The following EFHC2 variants were observed in gnomAD, a reference collection of about 807,000 sequenced individuals.
EFHC2 encodes the protein EF-hand domain containing 2.
A neutral mutation model predicts 52.7 loss-of-function variants in EFHC2; 18 were observed. The observed-to-expected ratio is 0.34, with a 90% CI of 0.24 to 0.51. The LOEUF is 0.51. EFHC2 is among the 20% of genes least tolerant of loss of function. The pLI, the probability that EFHC2 is intolerant of heterozygous loss-of-function variation, is 0.97. For synonymous variants in EFHC2, 203 were observed against 204.1 expected, an observed-to-expected ratio of 0.99 and a Z score of 0.04; for missense variants, 513 against 562.5, an observed-to-expected ratio of 0.91 and a Z score of 0.89.
intron 1 of EFHC2, among the ~76,000 whole-genome samples, chrX:44,316,125 G>T (rs777604881): frequency 9.0e-6 from 1 of 111,541 alleles, no homozygotes; most frequent in East Asian, 2.8e-4. Context: ...ACCGTTGAAG[G>T]CCTCACTCAG....
chrX:44,324,653 G>A (rs1188316447), intron 1 of EFHC2, among the ~76,000 whole-genome samples: 1 of 111,581 alleles, frequency 9.0e-6, no homozygotes, highest in African/African-American at 3.3e-5. Context: ...ATATATGATG[G>A]GGCCTTTTAA....
chrX:44,176,779 T>C (rs961694350), intron 12 of EFHC2, among the ~76,000 whole-genome samples: 6 of 112,352 alleles, frequency 5.3e-5, no homozygotes, highest in African/African-American at 1.9e-4. Flanking sequence ...ACAAGTATGA[T>C]ATGACTTGAG....
chrX:44,262,532 A>G (rs1337447726), intron 3 of EFHC2, among the ~76,000 whole-genome samples: 3 of 82,012 alleles, frequency 3.7e-5, no homozygotes, highest in Non-Finnish European at 6.7e-5. Flanking sequence ...AAAAAAAAAA[A>G]AAAGAAAAGA....
chrX:44,205,428 T>C (rs1380286546), intron 11 of EFHC2, among the ~76,000 whole-genome samples: 1 of 99,879 alleles, frequency 1.0e-5, no homozygotes, highest in Non-Finnish European at 2.1e-5. Flanking sequence ...AAAAAAAAAA[T>C]ACAAGACCCA....
chrX:44,309,466 C>A, intron 2 of EFHC2: 1 of 1,197,702 alleles, frequency 8.3e-7, no homozygotes. Context: ...GAAAACCTTG[C>A]TAAAACCCAG....
chrX:44,304,248 C>A (rs919047535), intron 2 of EFHC2, among the ~76,000 whole-genome samples: 3 of 112,090 alleles, frequency 2.7e-5, no homozygotes, highest in African/African-American at 9.7e-5. Context: ...CTAGGATAAA[C>A]AAGCTGAATT....
intron 4 of EFHC2, among the ~76,000 whole-genome samples, chrX:44,254,947 C>G (rs921335481): frequency 9.1e-4 from 102 of 111,899 alleles, no homozygotes; most frequent in Non-Finnish European, 1.8e-3. Flanking sequence ...CTACAAGCCA[C>G]AAGAGAGTGG....
chrX:44,191,876 G>T (rs1361220624), intron 11 of EFHC2, among the ~76,000 whole-genome samples: 5 of 111,469 alleles, frequency 4.5e-5, no homozygotes, highest in African/African-American at 1.6e-4. Flanking sequence ...TCAAAGAAAT[G>T]GATGAAATAT....
chrX:44,160,592 A>C lies in EFHC2; in HGVS notation c.2148+3330T>G, dbSNP rs750134442. Reference sequence around the variant, plus strand: ...AGTAAAATATGTTTTCAGAGGCAAAATATGTAAAAACAACCTGAATGCCTG... The same window carrying C: ...AGTAAAATATGTTTTCAGAGGCAAACTATGTAAAAACAACCTGAATGCCTG... On this transcript the variant is annotated intron_variant, in intron 14 of 14. Transcript: ENST00000420999. 6.3e-5 allele frequency among the ~76,000 whole-genome samples: 7 copies of C among 111,975 alleles called. No homozygotes were observed. In the East Asian group the frequency reaches 2.0e-3, roughly 31 times the overall value.
intron 2 of EFHC2, among the ~76,000 whole-genome samples, chrX:44,274,471 T>C (rs5953376): frequency 9.2e-4 from 104 of 112,591 alleles, no homozygotes; most frequent in African/African-American, 3.1e-3. Context: ...TAAATGTCAC[T>C]GAATTGCACA....
At chrX:44,342,879 A>C (rs1006291030) in intron 1 of EFHC2, among the ~76,000 whole-genome samples, 1 of 108,037 alleles carries the variant, frequency 9.3e-6, no homozygotes, top group Non-Finnish European at 1.9e-5. Flanking sequence ...CCGTCTCAAA[A>C]AAAAAAAAAG....
At chrX:44,335,101 A>C (rs2038108793) in intron 1 of EFHC2, among the ~76,000 whole-genome samples, 1 of 111,060 alleles carries the variant, frequency 9.0e-6, no homozygotes, top group Non-Finnish European at 1.9e-5. Flanking sequence ...TACTGTTAAA[A>C]TGAAAAAAGG....
At chrX:44,177,967 C>CA (rs1189636481) in intron 12 of EFHC2, among the ~76,000 whole-genome samples, 1,085 of 93,248 alleles carry the variant, frequency 0.012, 14 homozygotes, top group Admixed American at 0.076. Context: ...ACTAAAAATA[C>CA]AAAAAAAAAA....
At chrX:44,171,964 C>A (rs2036749087) in intron 13 of EFHC2, among the ~76,000 whole-genome samples, 1 of 111,697 alleles carries the variant, frequency 9.0e-6, no homozygotes, top group East Asian at 2.8e-4. Flanking sequence ...CATGGCTCAG[C>A]CCTTGCCCTT....
chrX:44,217,123 TCAA>T (rs1367500467), intron 11 of EFHC2, among the ~76,000 whole-genome samples: 1 of 111,776 alleles, frequency 8.9e-6, no homozygotes, highest in Non-Finnish European at 1.9e-5. Context: ...GAAAAGATGC[TCAA>T]CATCATTGAT....
chrX:44,325,173 G>A (rs1045987008), intron 1 of EFHC2, among the ~76,000 whole-genome samples: 1 of 111,480 alleles, frequency 9.0e-6, no homozygotes, highest in African/African-American at 3.3e-5. Context: ...TGTTTGATAT[G>A]ATGTAACAGT....
intron 1 of EFHC2, among the ~76,000 whole-genome samples, chrX:44,325,478 T>C (rs1452741846): frequency 9.0e-6 from 1 of 111,012 alleles, no homozygotes; most frequent in Admixed American, 9.7e-5. Context: ...CAGACTCTGC[T>C]TCATATCAAA....
chrX:44,250,552 T>C, intron 4 of EFHC2, 107 bp from the exon 5 acceptor site: 2 of 913,230 alleles, frequency 2.2e-6, no homozygotes, highest in Non-Finnish European at 2.9e-6. Context: ...TGGTCAGGCA[T>C]GGTGGCTGAT....
chrX:44,209,304 C>A (rs1322119635), intron 11 of EFHC2, among the ~76,000 whole-genome samples: 1 of 110,309 alleles, frequency 9.1e-6, no homozygotes, highest in African/African-American at 3.3e-5. Context: ...CAAAACACAC[C>A]ATATTGGCAC....
Sources: gnomAD v4.1 joint callset for allele counts (sites outside exome capture counted in the v4.1 genomes callset) on GRCh38, gnomAD v4.1.1 for gene constraint, MANE v1.5 for transcripts, NCBI Gene and HGNC (gene_info 2026-07-23, HGNC 2026-07-21) for gene names.